Variants in MAPKAPK5 observed in about 807,000 individuals in gnomAD.
MAPKAPK5 encodes MAPK activated protein kinase 5, also known as MAP kinase-activated protein kinase 5.
A neutral mutation model predicts 65.1 loss-of-function variants in MAPKAPK5; 30 were observed. That is an observed-to-expected ratio of 0.46 (90% CI 0.34 to 0.63). MAPKAPK5 has a LOEUF of 0.63. MAPKAPK5 is among the 20% of genes least tolerant of loss of function. MAPKAPK5 has a pLI of 0.01. For synonymous variants in MAPKAPK5, 179 were observed against 204.6 expected (o/e 0.87, Z 1.07); for missense variants, 433 against 581.4 (o/e 0.74, Z 2.63).
rs1260894440 is a variant in MAPKAPK5 at position 111,900,047 on chromosome 12, C to T, written c.*6986C>T. ...AGACGGTCCAGACAGTAGTGGATGT[C>T]ATTGCTCTGGCCAACAGCTTCACTA... On this transcript the variant is annotated 3_prime_UTR_variant, in exon 14 of 14. Coordinates refer to ENST00000550735, the MANE Select transcript of MAPKAPK5 (RefSeq NM_003668.4). 4.4e-6 allele frequency: 2 copies of T among 455,938 alleles called. No homozygotes were observed. Among genetic ancestry groups the T allele is most frequent in the African/African-American group, 4.0e-5 (2 of 50,070 alleles). The allele number at this position is 455,938 out of a possible 1,614,324, so 28.2% of individuals were successfully genotyped here.
chr12:111,870,205 C>T (rs942827460), intron 5 of MAPKAPK5, 66 bp from the exon 6 acceptor site: 2 of 1,104,302 alleles, frequency 1.8e-6, no homozygotes, highest in South Asian at 3.1e-5. Context: ...CCTGAGTTCT[C>T]TACGCCAGGT....
rs140883823 is a variant in MAPKAPK5 at position 111,894,105 on chromosome 12, C to T, written c.*1044C>T. On this transcript the variant is annotated 3_prime_UTR_variant, in exon 14 of 14. Coordinates refer to ENST00000550735, the MANE Select transcript of MAPKAPK5 (RefSeq NM_003668.4). ...TCACCCAGGGTGGAGTGCAGTGGCA[C>T]GATCTCGGCTCACTGCAACCTCTGT... 127 of 153,736 alleles carry T rather than the reference C, an allele frequency of 8.3e-4. No homozygotes were observed. Among genetic ancestry groups the T allele is most frequent in the African/African-American group, 2.9e-3 (120 of 41,518 alleles). The allele number at this position is 153,736 out of a possible 1,614,324, so 9.5% of individuals were successfully genotyped here. A position where few individuals can be genotyped will look rare whatever the true frequency, so the allele number is the denominator to read the frequency against.
intron 7 of MAPKAPK5, 98 bp downstream of exon 7, chr12:111,871,278 T>G: frequency 1.1e-6 from 1 of 908,928 alleles, no homozygotes; most frequent in East Asian, 2.5e-5. Flanking sequence ...ATATTACAGA[T>G]GGGAGGGGGA....
At chr12:111,872,956 C>G (rs563344202) in intron 7 of MAPKAPK5, among the ~76,000 whole-genome samples, 4 of 152,246 alleles carry the variant, frequency 2.6e-5, no homozygotes, top group African/African-American at 9.6e-5. Flanking sequence ...ATTCTGCCTT[C>G]CATATATATA....
intron 7 of MAPKAPK5, among the ~76,000 whole-genome samples, chr12:111,874,395 C>CAAAAA (rs76757649): frequency 8.3e-6 from 1 of 121,200 alleles, no homozygotes. Flanking sequence ...AACTGCGTCT[C>CAAAAA]AAAAAAAAAA....
chr12:111,886,112 G>T, intron 10 of MAPKAPK5, 76 bp downstream of exon 10: 2 of 1,603,936 alleles, frequency 1.2e-6, no homozygotes, highest in Non-Finnish European at 1.7e-6. Context: ...TCAGTGAGGG[G>T]TTAGAGGCAA....
intron 7 of MAPKAPK5, among the ~76,000 whole-genome samples, chr12:111,875,931 C>T (rs566882492): frequency 9.9e-5 from 15 of 152,144 alleles, no homozygotes; most frequent in Non-Finnish European, 1.5e-4. Flanking sequence ...ATGGGCCGGG[C>T]GCAGTGGCTT....
Position 111,900,086 on chromosome 12 carries a change from A to G in MAPKAPK5, c.*7025A>G. ...ACAGCTTCACTAGGGGAATAAACAC[A>G]GAGGTGGTGCTGGCTGGAATGGAGA... On this transcript the variant is annotated 3_prime_UTR_variant, in exon 14 of 14. Coordinates refer to ENST00000550735, the MANE Select transcript of MAPKAPK5 (RefSeq NM_003668.4). 2 of 455,726 alleles carry G rather than the reference A, an allele frequency of 4.4e-6. No homozygotes were observed. Among genetic ancestry groups the G allele is most frequent in the South Asian group, 1.5e-5 (1 of 64,550 alleles). 28.2% of individuals were successfully genotyped at this position (455,726 alleles called of 1,614,324 possible). A position where few individuals can be genotyped will look rare whatever the true frequency, so the allele number is the denominator to read the frequency against.
intron 4 of MAPKAPK5, 44 bp from the exon 5 acceptor site, chr12:111,868,702 CTTTTTCT>C: frequency 7.4e-7 from 1 of 1,354,306 alleles, no homozygotes; most frequent in Non-Finnish European, 1.0e-6. Context: ...TTTTTTGTTT[CTTTTTCT>C]TTTTTTTTTT....
intron 7 of MAPKAPK5, chr12:111,879,352 G>C (rs998654383): frequency 2.0e-5 from 3 of 150,224 alleles, no homozygotes; most frequent in Non-Finnish European, 4.4e-5. Flanking sequence ...GTCGTGGTTA[G>C]AGCCCAGGTC....
At chr12:111,882,459 G>A (rs1220047793) in intron 8 of MAPKAPK5, among the ~76,000 whole-genome samples, 2 of 152,246 alleles carry the variant, frequency 1.3e-5, no homozygotes, top group African/African-American at 4.8e-5. Context: ...GCTGTGGTGT[G>A]AGGGGGAGTG....
At chr12:111,854,646 C>T (rs1231509865) in intron 1 of MAPKAPK5, among the ~76,000 whole-genome samples, 4 of 152,162 alleles carry the variant, frequency 2.6e-5, no homozygotes, top group Non-Finnish European at 4.4e-5. Flanking sequence ...TACATTATTT[C>T]GTTAAATATG....
Position 111,883,850 on chromosome 12 carries a change from C to A in MAPKAPK5, c.848+82C>A. 1 of 1,400,014 alleles carries A rather than the reference C, an allele frequency of 7.1e-7. No individual in the cohort carries two copies. Among genetic ancestry groups the A allele is most frequent in the South Asian group, 1.4e-5 (1 of 73,800 alleles). 86.7% of individuals were successfully genotyped at this position (1,400,014 alleles called of 1,614,324 possible). A position where few individuals can be genotyped will look rare whatever the true frequency, so the allele number is the denominator to read the frequency against. ...CAAGGGAATGTGGGTAGAGAAAAGT[C>A]ACTGGTTTCCTAGGCAGGCTCCTCC... On this transcript the variant is annotated intron_variant, in intron 9 of 13. Coordinates refer to ENST00000550735, the MANE Select transcript of MAPKAPK5 (RefSeq NM_003668.4). The surrounding 1 kb of genome is among the most constrained non-coding windows in gnomAD (Gnocchi z 4.8).
At chr12:111,882,726 A>G (rs1047779611) in intron 8 of MAPKAPK5, 2 of 830,864 alleles carry the variant, frequency 2.4e-6, no homozygotes, top group African/African-American at 1.8e-5. Flanking sequence ...AGAGCTTGCA[A>G]ATGGACCTAG....
intron 10 of MAPKAPK5, 145 bp downstream of exon 10, chr12:111,886,181 GA>G: frequency 8.0e-7 from 1 of 1,256,242 alleles, no homozygotes; most frequent in Non-Finnish European, 1.1e-6. Context: ...TGAGAGTCAG[GA>G]TCCAAAATAA....
intron 3 of MAPKAPK5, 79 bp downstream of exon 3, chr12:111,866,310 G>A (rs1241193279): frequency 4.3e-5 from 56 of 1,291,506 alleles, no homozygotes; most frequent in African/African-American, 5.9e-5. Flanking sequence ...CAGCTTCCTA[G>A]AGAGAATACA....
At chr12:111,889,192 A>C in intron 12 of MAPKAPK5, 192 bp downstream of exon 12, 1 of 524,002 alleles carries the variant, frequency 1.9e-6, no homozygotes, top group Non-Finnish European at 3.2e-6. Flanking sequence ...GTGGGAGCTT[A>C]GAAATGCAGT....
rs1214819090 is a variant in MAPKAPK5, at chr12:111,885,979, C to G, written c.912C>G (p.Leu304=). 6.2e-7 allele frequency: 1 copy of G among 1,613,950 alleles called. No homozygotes were observed. The highest frequency in any genetic ancestry group is 8.5e-7 in the Non-Finnish European group (1 of 1,179,868). The stretch of plus-strand genomic sequence containing the variant: ...AGGGAGTGCTGGACCACCCCTGGCT[C>G]AATTCCACCGAGGCCCTGGATAATG... ...TIEGVLDHPW[L]NSTEALDNVL... The change falls in exon 10 of 14, where the codon CTC becomes CTG. Residue 304 remains leucine, a synonymous_variant. Transcript: ENST00000550735.
chr12:111,852,571 T>C (rs2069118364), intron 1 of MAPKAPK5, among the ~76,000 whole-genome samples: 1 of 152,218 alleles, frequency 6.6e-6, no homozygotes. Context: ...AGTAGTTAAA[T>C]TTTGGGGGAG....
Sources: allele counts gnomAD v4.1 joint callset (sites outside exome capture counted in the v4.1 genomes callset), GRCh38; gene constraint gnomAD v4.1.1; non-coding constraint Gnocchi (gnomAD v3.1); transcripts MANE v1.5; gene names NCBI Gene and HGNC (gene_info 2026-07-23, HGNC 2026-07-21).